ABCB10: variants seen among roughly 807,000 people sequenced by gnomAD.
ABCB10 encodes ATP-binding cassette sub-family B member 10, mitochondrial.
Under a neutral mutation model 65.4 loss-of-function variants are expected in ABCB10, and 54 were observed. The ratio of observed to expected loss-of-function variants is 0.83; its 90% CI spans 0.66 to 1.04. ABCB10 has a LOEUF of 1.04. Ranked by LOEUF, ABCB10 falls within the 50% of genes least tolerant of loss-of-function variation. The pLI, the probability that ABCB10 is intolerant of heterozygous loss-of-function variation, is 0.00. For synonymous variants in ABCB10, 418 were observed against 406.5 expected (o/e 1.03, Z -0.34); for missense variants, 846 against 976.6 (o/e 0.87, Z 1.78).
At position 229,530,221 on chromosome 1, in the gene ABCB10, C is replaced by T; in HGVS notation, c.1623G>A (p.Leu541=). 6.2e-7 allele frequency: 1 copy of T among 1,614,058 alleles called. No individual in the cohort carries two copies. Among genetic ancestry groups the T allele is most frequent in the Non-Finnish European group, 8.5e-7 (1 of 1,179,968 alleles). Residue 541 remains leucine, a synonymous_variant, in exon 8 of 13, where the codon CTG becomes CTA. Transcript: ENST00000344517. The part of the protein sequence containing the change: ...SGKSTVLSLL[L]RLYDPASGTI... ...TACCAGAAGCAGGGTCGTACAACCTCAGCAGGAGTGAAAGCACTGTTGATT... is the reference window on the plus strand; with the variant it reads ...TACCAGAAGCAGGGTCGTACAACCTTAGCAGGAGTGAAAGCACTGTTGATT...
rs1663326579 is a variant in ABCB10 at position 229,558,601 on chromosome 1, C to T, written c.52G>A (p.Ala18Thr). The part of the protein sequence containing the change: ...PLRLLEPPSP[A>T]EPGRLLPVAC... ...ACCGGCAGGAGCCGACCTGGCTCGGCAGGGCTCGGTGGCTCGAGCAGCCGC... is the reference window on the plus strand; with the variant it reads ...ACCGGCAGGAGCCGACCTGGCTCGGTAGGGCTCGGTGGCTCGAGCAGCCGC... The change falls in exon 1 of 13, where the codon GCC (alanine) becomes ACC (threonine). Residue 18 changes from alanine to threonine, a missense_variant. Around this residue, in one of 2 missense-constraint regions of ABCB10, gnomAD observed 214 missense variants for 173.5 expected, o/e 1.23. Coordinates refer to ENST00000344517, the MANE Select transcript of ABCB10 (RefSeq NM_012089.3). 2.1e-6 allele frequency: 3 copies of T among 1,438,476 alleles called. No homozygotes were observed. Among genetic ancestry groups the T allele is most frequent in the East Asian group, 3.2e-5 (1 of 31,324 alleles). The allele number at this position is 1,438,476 out of a possible 1,614,324, so 89.1% of individuals were successfully genotyped here.
At chr1:229,542,192 G>A in intron 4 of ABCB10, 45 bp downstream of exon 4, 1 of 1,603,062 alleles carries the variant, frequency 6.2e-7, no homozygotes, top group African/African-American at 1.3e-5. Flanking sequence ...TCCTGGCTAT[G>A]ACCCCATTCT....
intron 6 of ABCB10, chr1:229,531,947 G>GA: frequency 7.6e-6 from 1 of 132,258 alleles, no homozygotes; most frequent in East Asian, 1.9e-4. Context: ...CAGTTTCATA[G>GA]TTTTTTTTTT....
chr1:229,532,274 G>A (rs1458805891), intron 6 of ABCB10, among the ~76,000 whole-genome samples: 2 of 152,006 alleles, frequency 1.3e-5, no homozygotes. Context: ...TTCTAATAAG[G>A]ACTTAATGTT....
rs1033424395 is a variant in ABCB10 at position 229,542,284 on chromosome 1, G to C, written c.1009C>G (p.Arg337Gly). The change falls in exon 4 of 13, where the codon CGG (arginine) becomes GGG (glycine). Residue 337 changes from arginine (R) to glycine (G), a missense_variant. Physicochemically the swap from Arg to Gly is moderately radical, Grantham distance 125 (BLOSUM62 -2). Transcript: ENST00000344517. ...TCCTGAGTGACTTTGGTCAGTTTCC[G>C]TAGATATCGCCCATAAATTACAGCA... ...IIAVIYGRYLRKLTKVTQDSL... is the reference protein window; with the variant it reads ...IIAVIYGRYLGKLTKVTQDSL... The C allele has an allele frequency of 6.2e-7, 1 of 1,614,066 alleles. No homozygotes were observed.
intron 3 of ABCB10, among the ~76,000 whole-genome samples, chr1:229,543,445 T>C (rs997781666): frequency 1.3e-5 from 2 of 152,210 alleles, no homozygotes; most frequent in Non-Finnish European, 2.9e-5. Context: ...CAGAAAATAG[T>C]ATAATCAGTA....
At chr1:229,530,828 A>C (rs1477100752) in intron 7 of ABCB10, among the ~76,000 whole-genome samples, 2 of 152,072 alleles carry the variant, frequency 1.3e-5, no homozygotes, top group East Asian at 3.9e-4. Context: ...TATCTTACCT[A>C]CCCGGAATAA....
intron 10 of ABCB10, among the ~76,000 whole-genome samples, chr1:229,525,012 C>G (rs1341401009): frequency 6.6e-6 from 1 of 152,108 alleles, no homozygotes; most frequent in East Asian, 1.9e-4. Context: ...CACCACCACG[C>G]CCAGCTAACT....
chr1:229,533,967 A>C (rs1662645265), intron 6 of ABCB10, among the ~76,000 whole-genome samples: 1 of 152,248 alleles, frequency 6.6e-6, no homozygotes, highest in Admixed American at 6.5e-5. Flanking sequence ...TGCAAAAGAC[A>C]ATGTGAAAAG....
At position 229,558,510 on chromosome 1, in the gene ABCB10, G is replaced by C; in HGVS notation, c.143C>G (p.Pro48Arg). Residue 48 changes from proline (P) to arginine (R), a missense_variant, in exon 1 of 13, where the codon CCG (proline) becomes CGG (arginine). Pro to Arg is a moderately radical substitution (Grantham distance 103). Around this residue, in one of 2 missense-constraint regions of ABCB10, gnomAD observed 214 missense variants for 173.5 expected, o/e 1.23. Transcript: ENST00000344517. ...GSLSPFTGLR[P>R]ARLWGAGPAL... ...GGGCCCCGCGCCCCATAGCCGCGCCGGCCTCAGGCCAGTGAACGGCGATAG... is the reference window on the plus strand; with the variant it reads ...GGGCCCCGCGCCCCATAGCCGCGCCCGCCTCAGGCCAGTGAACGGCGATAG... 7.2e-7 allele frequency: 1 copy of C among 1,390,186 alleles called. No homozygotes were observed. Among genetic ancestry groups the C allele is most frequent in the South Asian group, 1.4e-5 (1 of 69,374 alleles). The allele number at this position is 1,390,186 out of a possible 1,614,324, so 86.1% of individuals were successfully genotyped here.
Position 229,558,177 on chromosome 1 carries a change from T to C in ABCB10, c.476A>G (p.Lys159Arg), listed in dbSNP as rs1420371556. 4.9e-6 allele frequency: 7 copies of C among 1,433,804 alleles called. No homozygotes were observed. Among genetic ancestry groups the C allele is most frequent in the Non-Finnish European group, 6.4e-6 (7 of 1,096,656 alleles). 88.8% of individuals were successfully genotyped at this position (1,433,804 alleles called of 1,614,324 possible). ...PAAAGLPEAR[K>R]LLGLAYPERR... ...CTCAGGGTACGCCAGCCCCAGGAGCTTCCGGGCCTCCGGGAGTCCGGCCGC... is the reference window on the plus strand; with the variant it reads ...CTCAGGGTACGCCAGCCCCAGGAGCCTCCGGGCCTCCGGGAGTCCGGCCGC... The change falls in exon 1 of 13, where the codon AAG (lysine) becomes AGG (arginine). Residue 159 changes from lysine (K) to arginine (R), a missense_variant. Physicochemically the swap from Lys to Arg is conservative, Grantham distance 26 (BLOSUM62 2). This residue lies in a region of ABCB10 where 632 missense variants were observed against 803.2 expected (regional missense o/e 0.79). Coordinates refer to ENST00000344517, the MANE Select transcript of ABCB10 (RefSeq NM_012089.3).
intron 4 of ABCB10, 100 bp from the exon 5 acceptor site, chr1:229,540,852 GAAAGA>G (rs1168790453): frequency 2.6e-5 from 34 of 1,332,600 alleles, no homozygotes; most frequent in South Asian, 6.2e-5. Context: ...TTATTCATTA[GAAAGA>G]AAAGAAAAGA....
intron 10 of ABCB10, among the ~76,000 whole-genome samples, chr1:229,522,569 T>C (rs533778742): frequency 5.3e-5 from 8 of 152,298 alleles, no homozygotes; most frequent in African/African-American, 1.9e-4. Context: ...TTACAGATGA[T>C]AAACTGAGAT....
rs1187869964 is a variant in ABCB10 at position 229,540,715 on chromosome 1, C to T, written c.1094G>A (p.Arg365Gln). 18 of 1,613,728 alleles carry T rather than the reference C, an allele frequency of 1.1e-5. No homozygotes were observed. Among genetic ancestry groups the T allele is most frequent in the East Asian group, 2.2e-5 (1 of 44,874 alleles). ...EERIGNVRTVRAFGKEMTEIE... is the reference protein window; with the variant it reads ...EERIGNVRTVQAFGKEMTEIE... The stretch of plus-strand genomic sequence containing the variant: ...TTCAGTCATTTCTTTCCCAAAAGCT[C>T]GAACAGTTCTTACATTTCCAATACG... The change falls in exon 5 of 13, where the codon CGA (arginine) becomes CAA (glutamine). Residue 365 changes from arginine to glutamine, a missense_variant. Physicochemically the swap from Arg to Gln is conservative, Grantham distance 43. Transcript: ENST00000344517.
intron 6 of ABCB10, among the ~76,000 whole-genome samples, chr1:229,536,364 G>A (rs1662722993): frequency 6.6e-6 from 1 of 151,914 alleles, no homozygotes; most frequent in Non-Finnish European, 1.5e-5. Context: ...ATAATTACCT[G>A]AATATGGTTG....
chr1:229,558,017 C>A (rs1430973847), intron 1 of ABCB10, 119 bp downstream of exon 1: 2 of 1,125,490 alleles, frequency 1.8e-6, no homozygotes, highest in Admixed American at 4.4e-5. Flanking sequence ...AGGAGTGGCC[C>A]AGGAGAGGCG....
intron 7 of ABCB10, 123 bp downstream of exon 7, chr1:229,531,513 G>T: frequency 3.2e-6 from 3 of 950,300 alleles, no homozygotes; most frequent in Non-Finnish European, 4.8e-6. Flanking sequence ...GGCCCGCCAT[G>T]CAGCAGGAGC....
chr1:229,541,392 A>G (rs763150487), intron 4 of ABCB10, among the ~76,000 whole-genome samples: 1 of 152,002 alleles, frequency 6.6e-6, no homozygotes, highest in Non-Finnish European at 1.5e-5. Context: ...ACGCCCAGCT[A>G]ATTTTTCTAT....
chr1:229,544,484 G>GTAAAT (rs1171793040), intron 3 of ABCB10, among the ~76,000 whole-genome samples: 3 of 146,420 alleles, frequency 2.0e-5, no homozygotes, highest in African/African-American at 7.5e-5. Context: ...GGCCCACTAT[G>GTAAAT]TAAATTAATA....
Sources: allele counts gnomAD v4.1 joint callset (sites outside exome capture counted in the v4.1 genomes callset), GRCh38; gene constraint gnomAD v4.1.1; regional missense constraint gnomAD v4.1.1; transcripts MANE v1.5; gene names NCBI Gene and HGNC (gene_info 2026-07-23, HGNC 2026-07-21).